LRP1B: variants seen among roughly 807,000 people sequenced by gnomAD.
The protein encoded by LRP1B is LDL receptor related protein 1B.
Under a neutral mutation model 556.6 loss-of-function variants are expected in LRP1B, and 217 were observed. The ratio of observed to expected loss-of-function variants is 0.39; its 90% CI spans 0.35 to 0.44. The LOEUF (loss-of-function observed/expected upper bound fraction) is 0.44. LRP1B is among the 20% of genes least tolerant of loss of function. LRP1B has a pLI of 1.00. For missense variants in LRP1B, 5,053 were observed against 5,620.8 expected (o/e 0.90, Z 3.23); for synonymous variants, 2,047 against 1,865.8 (o/e 1.10, Z -2.50).
intron 7 of LRP1B, among the ~76,000 whole-genome samples, chr2:141,149,831 C>A (rs1701877156): frequency 6.6e-6 from 1 of 152,144 alleles, no homozygotes; most frequent in Non-Finnish European, 1.5e-5. Flanking sequence ...GATTTAAAAG[C>A]AATCAGTCAA....
At chr2:140,843,067 G>GTT (rs1232129942) in intron 29 of LRP1B, among the ~76,000 whole-genome samples, 3 of 10,642 alleles carry the variant, frequency 2.8e-4, no homozygotes, top group African/African-American at 7.0e-4. Context: ...TTTTTTTTTT[G>GTT]TTTTTTTTTT....
intron 14 of LRP1B, among the ~76,000 whole-genome samples, chr2:141,009,320 T>C (rs1163707413): frequency 6.6e-6 from 1 of 151,938 alleles, no homozygotes; most frequent in Non-Finnish European, 1.5e-5. Context: ...GAATTATGCA[T>C]TTAATCTAGC....
chr2:142,058,800 C>T (rs1444539199), intron 1 of LRP1B, among the ~76,000 whole-genome samples: 2 of 152,040 alleles, frequency 1.3e-5, no homozygotes, highest in African/African-American at 4.8e-5. Flanking sequence ...TCTCCCCTCT[C>T]CCCTACCCTA....
intron 86 of LRP1B, chr2:140,269,171 T>C: frequency 2.3e-6 from 1 of 430,556 alleles, no homozygotes; most frequent in South Asian, 1.8e-5. Context: ...AAGTATACTC[T>C]GTGAAATGCA....
chr2:141,049,425 A>G (rs1372975663), intron 10 of LRP1B, among the ~76,000 whole-genome samples: 1 of 152,088 alleles, frequency 6.6e-6, no homozygotes, highest in Non-Finnish European at 1.5e-5. Flanking sequence ...ACTTCCGCAA[A>G]TGGGTTATAT....
chr2:141,188,812 A>G (rs1681374114), intron 6 of LRP1B, among the ~76,000 whole-genome samples: 1 of 152,002 alleles, frequency 6.6e-6, no homozygotes, highest in Admixed American at 6.6e-5. Context: ...AAGACGACCT[A>G]GATACATGCA....
At chr2:141,295,660 G>A (rs1466114287) in intron 3 of LRP1B, among the ~76,000 whole-genome samples, 3 of 150,992 alleles carry the variant, frequency 2.0e-5, no homozygotes, top group Middle Eastern at 3.4e-3. Flanking sequence ...TTATAGGAAA[G>A]CAATTTATAG....
intron 60 of LRP1B, among the ~76,000 whole-genome samples, chr2:140,457,858 T>C (rs1687165794): frequency 6.6e-6 from 1 of 152,084 alleles, no homozygotes; most frequent in African/African-American, 2.4e-5. Context: ...AGATTTAGCT[T>C]GGTTCAACCA....
rs146400847 is a variant in LRP1B at position 140,344,055 on chromosome 2, A to G, written c.11892+6742T>C. ...ACTTGTGAAATTGTATATGCTGTGT[A>G]TATTTGAATATGTAGAGCTTATTTT... On this transcript the variant is annotated intron_variant, in intron 77 of 90. Transcript: ENST00000389484. Among the ~76,000 whole-genome samples the G allele has an allele frequency of 6.5e-3, 993 of 151,892 alleles. 8 individuals are homozygous for G. The highest frequency in any genetic ancestry group is 0.021 in the African/African-American group (869 of 41,512).
chr2:141,071,205 G>A (rs1324641351), intron 7 of LRP1B, among the ~76,000 whole-genome samples: 4 of 147,930 alleles, frequency 2.7e-5, no homozygotes, highest in South Asian at 2.2e-4. Flanking sequence ...TTCAATATAC[G>A]CAAATCAATA....
intron 1 of LRP1B, among the ~76,000 whole-genome samples, chr2:141,834,754 TA>T: frequency 6.6e-6 from 1 of 151,778 alleles, no homozygotes; most frequent in East Asian, 1.9e-4. Context: ...GGAAAGGAAA[TA>T]ACTGGAAAAC....
intron 3 of LRP1B, among the ~76,000 whole-genome samples, chr2:141,331,757 A>C (rs1275589535): frequency 6.6e-6 from 1 of 152,090 alleles, no homozygotes; most frequent in Non-Finnish European, 1.5e-5. Context: ...ATTAGCCTTT[A>C]ATATTGAAGA....
chr2:141,342,310 T>C (rs1214554505), intron 3 of LRP1B, among the ~76,000 whole-genome samples: 2 of 146,228 alleles, frequency 1.4e-5, no homozygotes, highest in Non-Finnish European at 3.0e-5. Flanking sequence ...AAAGGTATCA[T>C]AACCCAATAT....
At chr2:140,963,785 C>T (rs1039675926) in intron 18 of LRP1B, among the ~76,000 whole-genome samples, 4 of 152,134 alleles carry the variant, frequency 2.6e-5, no homozygotes, top group South Asian at 2.1e-4. Context: ...GGTAAAAACT[C>T]GTCTCTATTA....
intron 1 of LRP1B, among the ~76,000 whole-genome samples, chr2:142,059,168 A>G (rs949495445): frequency 6.6e-6 from 1 of 152,076 alleles, no homozygotes; most frequent in Non-Finnish European, 1.5e-5. Flanking sequence ...AGTGATTGTG[A>G]ATGGGCACAA....
chr2:140,269,290 C>T (rs1401156659), intron 86 of LRP1B: 2 of 470,922 alleles, frequency 4.2e-6, no homozygotes, highest in Admixed American at 2.4e-5. Flanking sequence ...TCATTAAACG[C>T]AGTTAAAGTG....
At chr2:140,876,166 T>C (rs2105172828) in intron 25 of LRP1B, among the ~76,000 whole-genome samples, 1 of 152,288 alleles carries the variant, frequency 6.6e-6, no homozygotes, top group Middle Eastern at 3.4e-3. Flanking sequence ...ATTAACTGCA[T>C]GGACTGAATT....
At chr2:140,538,566 T>TAA in intron 45 of LRP1B, among the ~76,000 whole-genome samples, 1 of 146,780 alleles carries the variant, frequency 6.8e-6, no homozygotes, top group Non-Finnish European at 1.5e-5. Context: ...CAAAGATATA[T>TAA]TTCTTTTCTC....
chr2:141,916,399 C>A (rs1486947705), intron 1 of LRP1B, among the ~76,000 whole-genome samples: 2 of 117,484 alleles, frequency 1.7e-5, no homozygotes, highest in Non-Finnish European at 3.6e-5. Flanking sequence ...GAGTCTCGCT[C>A]TGTCCCCCAG....
Sources: gnomAD v4.1 joint callset for allele counts (sites outside exome capture counted in the v4.1 genomes callset) on GRCh38, gnomAD v4.1.1 for gene constraint, MANE v1.5 for transcripts, NCBI Gene and HGNC (gene_info 2026-07-23, HGNC 2026-07-21) for gene names.